Variants in CELF2 observed in about 807,000 individuals in gnomAD.
CELF2 encodes the protein CUGBP Elav-like family member 2, also known as CUG triplet repeat RNA-binding protein 2.
CELF2 carries 8 observed loss-of-function variants against 62.6 expected under a neutral mutation model. That is an observed-to-expected ratio of 0.13 (90% CI 0.07 to 0.23). The LOEUF is 0.23. Ranked by LOEUF, CELF2 falls within the 10% of genes least tolerant of loss-of-function variation. The pLI is 1.00. For missense variants in CELF2, 333 were observed against 671.0 expected (o/e 0.50, Z 5.56); for synonymous variants, 258 against 250.0 (o/e 1.03, Z -0.30).
Position 11,243,684 on chromosome 10 carries a change from G to A in CELF2, c.355-5469G>A, listed in dbSNP as rs2074718102. Among the ~76,000 whole-genome samples the A allele has an allele frequency of 6.6e-6, 1 of 152,204 alleles. No individual in the cohort carries two copies. The highest frequency in any genetic ancestry group is 2.1e-4 in the South Asian group (1 of 4,834). On this transcript the variant is annotated intron_variant, in intron 3 of 12. Transcript: ENST00000633077. The surrounding 1 kb of genome is among the most constrained non-coding windows in gnomAD (Gnocchi z 4.1). ...CCACTCTGTAAAGTCAGAGGCTGGT[G>A]TTTGTAAAATTCTTAGACTCGTCGA... is the stretch of plus-strand genomic sequence containing the variant.
At chr10:10,463,706 A>C in the CELF2 span, among the ~76,000 whole-genome samples, 1 of 152,234 alleles carries the variant, frequency 6.6e-6, no homozygotes, top group East Asian at 1.9e-4. Flanking sequence ...CTTGTCAATG[A>C]GTCTGCTTGG....
the CELF2 span, among the ~76,000 whole-genome samples, chr10:10,571,320 G>T: frequency 6.6e-6 from 1 of 152,152 alleles, no homozygotes; most frequent in African/African-American, 2.4e-5. Flanking sequence ...AGACACATTT[G>T]GCTGGTTGGC....
the CELF2 span, among the ~76,000 whole-genome samples, chr10:10,587,870 G>A: frequency 6.6e-6 from 1 of 152,110 alleles, no homozygotes; most frequent in Non-Finnish European, 1.5e-5. Context: ...TGTGGGCTTG[G>A]TGAGCAAGAT....
Position 11,080,691 on chromosome 10 carries a change from A to G in CELF2, c.74+62528A>G, listed in dbSNP as rs189407278. 7.8e-4 allele frequency among the ~76,000 whole-genome samples: 119 copies of G among 152,344 alleles called. 2 individuals carry two copies. The highest frequency in any genetic ancestry group is 1.5e-3 in the Non-Finnish European group (101 of 68,036). On this transcript the variant is annotated intron_variant, in intron 1 of 12. Transcript: ENST00000633077. The stretch of plus-strand genomic sequence containing the variant: ...GAAGGGCCTTTTCATTGTGTATTGT[A>G]GAGAGAACCTTATGTGGGTGGTTAA...
chr10:11,032,840 A>T (rs1434427222), intron 1 of CELF2, among the ~76,000 whole-genome samples: 2 of 152,216 alleles, frequency 1.3e-5, no homozygotes, highest in Non-Finnish European at 2.9e-5. Context: ...ATTGGGTCAT[A>T]ATTAAATTGT....
At chr10:10,506,811 C>G in the CELF2 span, among the ~76,000 whole-genome samples, 1 of 149,900 alleles carries the variant, frequency 6.7e-6, no homozygotes, top group Non-Finnish European at 1.5e-5. Flanking sequence ...ATTACAGGCA[C>G]GTACCACCAC....
At chr10:10,722,902 G>C in the CELF2 span, among the ~76,000 whole-genome samples, 1 of 152,312 alleles carries the variant, frequency 6.6e-6, no homozygotes, top group South Asian at 2.1e-4. Context: ...GGCAGGCTAA[G>C]AGATAATAGA....
At chr10:10,667,875 A>G in the CELF2 span, among the ~76,000 whole-genome samples, 39 of 152,184 alleles carry the variant, frequency 2.6e-4, no homozygotes, top group Admixed American at 2.6e-4. Context: ...GCTTTTTACC[A>G]TGCAAACAAA....
intron 2 of CELF2, among the ~76,000 whole-genome samples, chr10:10,956,552 C>G (rs1034017011): frequency 6.6e-6 from 1 of 152,168 alleles, no homozygotes; most frequent in Non-Finnish European, 1.5e-5. Context: ...CTGTTAACTT[C>G]TCTACCATAG....
In CELF2 at chr10:11,051,256, A is replaced by G. The variant is rs901269612; in HGVS notation, c.74+33093A>G. Among the ~76,000 whole-genome samples the G allele has an allele frequency of 3.3e-5, 5 of 152,208 alleles. No individual in the cohort carries two copies. In the East Asian group the frequency reaches 9.6e-4, roughly 29 times the overall value. On this transcript the variant is annotated intron_variant, in intron 1 of 12. Coordinates refer to ENST00000633077, the MANE Select transcript of CELF2 (RefSeq NM_001326342.2). ...GGAAGAAAAGTTGTATTGGAGCCAG[A>G]CAGTGATACAGATGCTATCTTGAAA... is the stretch of plus-strand genomic sequence containing the variant.
At chr10:10,473,590 G>A in the CELF2 span, among the ~76,000 whole-genome samples, 2 of 152,044 alleles carry the variant, frequency 1.3e-5, no homozygotes, top group African/African-American at 2.4e-5. Flanking sequence ...AAATCCTGAT[G>A]AGAATGATAC....
the CELF2 span, among the ~76,000 whole-genome samples, chr10:10,696,870 A>T: frequency 6.6e-6 from 1 of 152,048 alleles, no homozygotes; most frequent in African/African-American, 2.4e-5. Flanking sequence ...CCAATGACCT[A>T]TGCCCACTGT....
At chr10:11,119,423 A>G (rs2057261161) in intron 1 of CELF2, among the ~76,000 whole-genome samples, 1 of 152,196 alleles carries the variant, frequency 6.6e-6, no homozygotes, top group Non-Finnish European at 1.5e-5. Flanking sequence ...CATTTCTTTC[A>G]TAGCACTTTA....
At chr10:11,253,076 G>A (rs2077613580) in intron 4 of CELF2, among the ~76,000 whole-genome samples, 1 of 152,142 alleles carries the variant, frequency 6.6e-6, no homozygotes, top group Non-Finnish European at 1.5e-5. Flanking sequence ...CTGAAGTTAG[G>A]CTGGCAGTGA....
the CELF2 span, among the ~76,000 whole-genome samples, chr10:10,730,310 C>G: frequency 2.0e-5 from 3 of 152,064 alleles, no homozygotes; most frequent in African/African-American, 7.2e-5. Flanking sequence ...AACCCTGTCT[C>G]TACTAAAAAT....
chr10:11,163,734 A>T (rs2066278941), intron 1 of CELF2, among the ~76,000 whole-genome samples: 1 of 152,192 alleles, frequency 6.6e-6, no homozygotes. Context: ...AAATAGGGGG[A>T]TACGAAGAAG....
At chr10:11,287,107 G>A (rs1039451914) in intron 8 of CELF2, among the ~76,000 whole-genome samples, 5 of 152,046 alleles carry the variant, frequency 3.3e-5, no homozygotes, top group African/African-American at 1.2e-4. Context: ...CTCCACCAGC[G>A]CCCCTACACA....
At chr10:11,218,789 T>C (rs2064007442) in intron 3 of CELF2, among the ~76,000 whole-genome samples, 1 of 152,202 alleles carries the variant, frequency 6.6e-6, no homozygotes, top group African/African-American at 2.4e-5. Context: ...AGTGCTTCAC[T>C]CAGTGACTTT....
the CELF2 span, among the ~76,000 whole-genome samples, chr10:10,518,091 T>A: frequency 3.9e-5 from 6 of 152,330 alleles, no homozygotes; most frequent in Admixed American, 2.6e-4. Context: ...ATTTCCTGCA[T>A]GGTGCTAAGT....
Sources: gnomAD v4.1 joint callset for allele counts (sites outside exome capture counted in the v4.1 genomes callset) on GRCh38, gnomAD v4.1.1 for gene constraint, Gnocchi (gnomAD v3.1) non-coding constraint, MANE v1.5 for transcripts, NCBI Gene and HGNC (gene_info 2026-07-23, HGNC 2026-07-21) for gene names.